IGSF10: variants seen among roughly 807,000 people sequenced by gnomAD.
IGSF10 encodes the protein calvaria mechanical force protein 608.
Under a neutral mutation model 128.2 loss-of-function variants are expected in IGSF10, and 126 were observed. That is an observed-to-expected ratio of 0.98 (90% CI 0.85 to 1.14). The LOEUF is 1.14. IGSF10 is among the 50% of genes most tolerant of loss of function. The probability of loss-of-function intolerance (pLI) is 0.00; values close to 1 mark genes in which losing one functional copy is unlikely to be tolerated. For synonymous variants in IGSF10, 1,185 were observed against 1,146.2 expected, an observed-to-expected ratio of 1.03 and a Z score of -0.68; for missense variants, 3,295 against 3,149.8, an observed-to-expected ratio of 1.05 and a Z score of -1.10.
rs191698195 is a variant in IGSF10 at position 151,437,457 on chromosome 3, T to G, written c.7104A>C (p.Glu2368Asp). 8 of 1,614,208 alleles carry G rather than the reference T, an allele frequency of 5.0e-6. No individual in the cohort carries two copies. The highest frequency in any genetic ancestry group is 5.9e-6 in the Non-Finnish European group (7 of 1,180,044). Residue 2368 changes from glutamate (E) to aspartate (D), a missense_variant, in exon 8 of 8, where the codon GAA becomes GAC. By Grantham distance (45) the Glu-to-Asp change is conservative. Transcript: ENST00000282466. ...NCSVDGNPPP[E>D]IIWILPNGTR... is the part of the protein sequence containing the mutation. ...TGCCATTTGGTAAAATCCAGATTAT[T>G]TCAGGTGGTGGGTTACCATCAACAG...
the IGSF10 span, among the ~76,000 whole-genome samples, chr3:151,569,689 T>C: frequency 2.0e-5 from 3 of 152,172 alleles, no homozygotes; most frequent in Non-Finnish European, 4.4e-5. Flanking sequence ...TTAAAGAATT[T>C]GTGAATATAT....
At chr3:151,500,669 A>G in the IGSF10 span, among the ~76,000 whole-genome samples, 4 of 152,160 alleles carry the variant, frequency 2.6e-5, no homozygotes, top group African/African-American at 7.2e-5. Flanking sequence ...CAAAAAAGCA[A>G]TAAGTGACTC....
At chr3:151,487,646 C>G in the IGSF10 span, among the ~76,000 whole-genome samples, 1 of 152,180 alleles carries the variant, frequency 6.6e-6, no homozygotes, top group Admixed American at 6.5e-5. Flanking sequence ...ATCAAGTTGG[C>G]TTCATCCCTG....
At chr3:151,509,832 T>C in the IGSF10 span, among the ~76,000 whole-genome samples, 130,386 of 152,214 alleles carry the variant, frequency 0.86, 56,064 homozygotes, top group Middle Eastern at 0.95. Flanking sequence ...GATTATATCC[T>C]GCACATGGCT....
At position 151,448,207 on chromosome 3, in the gene IGSF10, C is replaced by CT. The variant is rs1202621907; in HGVS notation, c.1773_1774insA (p.Asp592ArgfsTer15). 6.2e-7 allele frequency: 1 copy of CT among 1,614,222 alleles called. No homozygotes were observed. The highest frequency in any genetic ancestry group is 1.1e-5 in the South Asian group (1 of 91,084). ...ATACCAGTAGAATGGCATGGAAGATCAAGTGTTTCACCAATGAAAACTGTG... is the reference window on the plus strand; with the variant it reads ...ATACCAGTAGAATGGCATGGAAGATCTAAGTGTTTCACCAATGAAAACTGTG... On this transcript the variant is annotated frameshift_variant, in exon 6 of 8. Transcript: ENST00000282466. LOFTEE classifies it high-confidence loss of function.
the IGSF10 span, among the ~76,000 whole-genome samples, chr3:151,571,747 C>G: frequency 1.1e-4 from 17 of 152,148 alleles, no homozygotes; most frequent in Non-Finnish European, 1.3e-4. Context: ...GCCAGAACTT[C>G]CAACACTATG....
chr3:151,488,248 G>T, the IGSF10 span, among the ~76,000 whole-genome samples: 2 of 152,022 alleles, frequency 1.3e-5, no homozygotes, highest in African/African-American at 4.8e-5. Context: ...TAAGTACCTA[G>T]GAATACAACT....
chr3:151,545,533 G>A, the IGSF10 span, among the ~76,000 whole-genome samples: 3 of 152,120 alleles, frequency 2.0e-5, no homozygotes, highest in African/African-American at 7.2e-5. Flanking sequence ...CAATTTCTGT[G>A]GTACTTTTGA....
At chr3:151,479,900 ATGAAG>A in the IGSF10 span, among the ~76,000 whole-genome samples, 2 of 152,288 alleles carry the variant, frequency 1.3e-5, no homozygotes, top group East Asian at 3.9e-4. Flanking sequence ...ACTTATTATC[ATGAAG>A]AGACACAGTC....
upstream of IGSF10, among the ~76,000 whole-genome samples, chr3:151,465,832 C>A (rs189788445): frequency 6.6e-6 from 1 of 152,154 alleles, no homozygotes; most frequent in East Asian, 1.9e-4. Context: ...CTAATTTAAT[C>A]GGTAGACAAG....
upstream of IGSF10, among the ~76,000 whole-genome samples, chr3:151,463,524 T>TTTTTTTTTTTTG (rs1560185414): frequency 1.9e-4 from 8 of 41,600 alleles, no homozygotes; most frequent in East Asian, 1.1e-3. Context: ...CATTTTCTGG[T>TTTTTTTTTTTTG]TTTTTTTTTT....
At chr3:151,505,942 CTTCTTCCTTTTTTTTTTTTTTT>C in the IGSF10 span, among the ~76,000 whole-genome samples, 37 of 40,906 alleles carry the variant, frequency 9.0e-4, no homozygotes, top group Admixed American at 1.6e-3. Flanking sequence ...TGGCTTGCTT[CTTCTTCCTTTTTTTTTTTTTTT>C]TTTTTGAGAT....
rs200423886 is a variant in IGSF10 at position 151,437,566 on chromosome 3, T to G, written c.6995A>C (p.Glu2332Ala). 10 of 1,614,222 alleles carry G rather than the reference T, an allele frequency of 6.2e-6. No homozygotes were observed. Among genetic ancestry groups the G allele is most frequent in the Non-Finnish European group, 8.5e-6 (10 of 1,180,044 alleles). ...TCTAAATGTCGGTCTTCTCAGCATT[T>G]CCAGTACTTCTAACTGTACTACCAA... ...SVLVVQLEVL[E>A]MLRRPTFRNP... is the part of the protein sequence containing the mutation. Residue 2332 changes from glutamate (E) to alanine (A), a missense_variant, in exon 8 of 8, where the codon GAA (glutamate) becomes GCA (alanine). Glu to Ala is a moderately radical substitution (Grantham distance 107, BLOSUM62 -1). Transcript: ENST00000282466.
chr3:151,445,496 G>A lies in IGSF10; in HGVS notation c.4485C>T (p.Ser1495=), dbSNP rs144421795. ...TGACCACTGTATTTGTCATAAGCCCGGAAATGGGAGTCGCCACGTTGTCAG... is the reference window on the plus strand; with the variant it reads ...TGACCACTGTATTTGTCATAAGCCCAGAAATGGGAGTCGCCACGTTGTCAG... The part of the protein sequence containing the change: ...AVTDNVATPI[S]GLMTNTVVKL... The change falls in exon 6 of 8, where the codon TCC becomes TCT. Residue 1495 remains serine, a synonymous_variant. Transcript: ENST00000282466. 9.2e-5 allele frequency: 149 copies of A among 1,614,024 alleles called. No homozygotes were observed. The highest frequency in any genetic ancestry group is 1.6e-4 in the Middle Eastern group (1 of 6,084).
chr3:151,596,128 T>A, the IGSF10 span, among the ~76,000 whole-genome samples: 1 of 152,194 alleles, frequency 6.6e-6, no homozygotes, highest in Non-Finnish European at 1.5e-5. Flanking sequence ...AATGTGGTCA[T>A]ATGAATGGTT....
the IGSF10 span, among the ~76,000 whole-genome samples, chr3:151,532,074 C>A: frequency 6.6e-6 from 1 of 152,102 alleles, no homozygotes; most frequent in Non-Finnish European, 1.5e-5. Flanking sequence ...ACCAGAAAAT[C>A]TAGAAGAAAA....
downstream of IGSF10, chr3:151,433,147 TTATG>T (rs1719717417): frequency 5.3e-6 from 1 of 189,976 alleles, no homozygotes; most frequent in East Asian, 1.4e-4. Context: ...TCTAAGGTAT[TTATG>T]TATTTCATTC....
the IGSF10 span, among the ~76,000 whole-genome samples, chr3:151,558,880 A>AT: frequency 6.6e-6 from 1 of 152,062 alleles, no homozygotes; most frequent in Non-Finnish European, 1.5e-5. Flanking sequence ...GATAGATTCC[A>AT]TTTTTCATGC....
At chr3:151,508,242 T>C in the IGSF10 span, among the ~76,000 whole-genome samples, 2 of 152,178 alleles carry the variant, frequency 1.3e-5, no homozygotes, top group East Asian at 3.9e-4. Context: ...AAAAAATAGA[T>C]ACAACAAGAT....
Sources: gnomAD v4.1 joint callset for allele counts (sites outside exome capture counted in the v4.1 genomes callset) on GRCh38, gnomAD v4.1.1 for gene constraint, MANE v1.5 for transcripts, NCBI Gene and HGNC (gene_info 2026-07-23, HGNC 2026-07-21) for gene names.